BACH1: variants seen among roughly 807,000 people sequenced by gnomAD.
The protein encoded by BACH1 is BTB domain and CNC homolog 1.
A neutral mutation model predicts 52.9 loss-of-function variants in BACH1; 35 were observed. That is an observed-to-expected ratio of 0.66 (90% confidence interval 0.51 to 0.88). BACH1 has a LOEUF of 0.88. Among genes scored for constraint, BACH1 ranks in the 40% least tolerant of loss-of-function variants. The probability of loss-of-function intolerance (pLI) is 0.00; values close to 1 mark genes in which losing one functional copy is unlikely to be tolerated. For missense variants in BACH1, 808 were observed against 872.6 expected, an observed-to-expected ratio of 0.93 and a Z score of 0.93; for synonymous variants, 321 against 319.6, an observed-to-expected ratio of 1.00 and a Z score of -0.05.
At chr21:29,322,689 A>G (rs1266053756) in intron 2 of BACH1, among the ~76,000 whole-genome samples, 1 of 152,236 alleles carries the variant, frequency 6.6e-6, no homozygotes, top group Non-Finnish European at 1.5e-5. Flanking sequence ...ATACGGTTGG[A>G]TAAACTGTAA....
intron 2 of BACH1, chr21:29,361,176 T>C (rs2089269652): frequency 6.6e-6 from 1 of 151,912 alleles, no homozygotes; most frequent in Non-Finnish European, 1.5e-5. Context: ...GACTGAAGAG[T>C]GGAAAAAGAA....
intron 1 of BACH1, among the ~76,000 whole-genome samples, chr21:29,311,159 A>G (rs1269319476): frequency 6.6e-5 from 10 of 152,200 alleles, no homozygotes; most frequent in Non-Finnish European, 1.3e-4. Flanking sequence ...ACCAGTATTA[A>G]ATAGTATGTG....
chr21:29,359,390 T>G (rs2123497260), intron 2 of BACH1: 1 of 149,274 alleles, frequency 6.7e-6, no homozygotes, highest in South Asian at 2.2e-4. Context: ...GTGATTTATG[T>G]ATCTAGTATG....
downstream of BACH1, among the ~76,000 whole-genome samples, chr21:29,346,497 C>T (rs1034226638): frequency 6.6e-6 from 1 of 152,188 alleles, no homozygotes. Context: ...TGGGCAGCTG[C>T]TCAGCGGTAT....
chr21:29,321,312 A>G lies in BACH1; in HGVS notation c.32A>G (p.Tyr11Cys). Residue 11 changes from tyrosine to cysteine, a missense_variant, in exon 2 of 5, where the codon TAT becomes TGT. Coordinates refer to ENST00000286800, the MANE Select transcript of BACH1 (RefSeq NM_001186.4). Reference sequence around the variant, plus strand: ...CTGAGTGAGAACTCGGTTTTTGCCTATGAATCTTCTGTGCATAGCACCAAT... The same window carrying G: ...CTGAGTGAGAACTCGGTTTTTGCCTGTGAATCTTCTGTGCATAGCACCAAT... MSLSENSVFAYESSVHSTNVL... is the reference protein window; with the variant it reads MSLSENSVFACESSVHSTNVL... 6.2e-7 allele frequency: 1 copy of G among 1,614,064 alleles called. No homozygotes were observed. The highest frequency in any genetic ancestry group is 8.5e-7 in the Non-Finnish European group (1 of 1,179,970).
At chr21:29,340,601 C>G (rs970015482) in intron 4 of BACH1, among the ~76,000 whole-genome samples, 3 of 152,132 alleles carry the variant, frequency 2.0e-5, no homozygotes, top group African/African-American at 7.2e-5. Context: ...TTTAAAAGAC[C>G]AACCAGCAGT....
At chr21:29,348,022 AT>A (rs2089180245), downstream of BACH1, among the ~76,000 whole-genome samples, 1 of 152,228 alleles carries the variant, frequency 6.6e-6, no homozygotes, top group African/African-American at 2.4e-5. Flanking sequence ...ATTAAAAAAA[AT>A]CTAAAGGCAT....
At chr21:29,326,027 G>T in intron 2 of BACH1, 32 bp from the exon 3 acceptor site, 2 of 1,557,660 alleles carry the variant, frequency 1.3e-6, no homozygotes, top group Non-Finnish European at 8.6e-7. Context: ...GCTTTCAAAT[G>T]ATGTGTTTGT....
At chr21:29,350,165 C>T (rs552236882), downstream of BACH1, among the ~76,000 whole-genome samples, 5 of 152,176 alleles carry the variant, frequency 3.3e-5, no homozygotes, top group Non-Finnish European at 7.3e-5. Context: ...ATACAAACCT[C>T]CACATACAAT....
chr21:29,321,297 A>G lies in BACH1; in HGVS notation c.17A>G (p.Asn6Ser), dbSNP rs781710744. The change falls in exon 2 of 5, where the codon AAC becomes AGC. Residue 6 changes from asparagine to serine, a missense_variant. Physicochemically the swap from Asn to Ser is conservative, Grantham distance 46 (BLOSUM62 1). Coordinates refer to ENST00000286800, the MANE Select transcript of BACH1 (RefSeq NM_001186.4). ...TTATGCAGAATGTCTCTGAGTGAGA[A>G]CTCGGTTTTTGCCTATGAATCTTCT... MSLSE[N>S]SVFAYESSVH... 4 of 1,613,900 alleles carry G rather than the reference A, an allele frequency of 2.5e-6. No individual in the cohort carries two copies. The highest frequency in any genetic ancestry group is 3.4e-6 in the Non-Finnish European group (4 of 1,179,832).
At chr21:29,342,344 A>T (rs2089123368) in intron 4 of BACH1, 55 bp from the exon 5 acceptor site, 1 of 1,502,248 alleles carries the variant, frequency 6.7e-7, no homozygotes, top group South Asian at 1.2e-5. Context: ...CGCCTTGGAA[A>T]TGTTGATTGA....
chr21:29,308,094 A>G (rs1279969485), intron 1 of BACH1, among the ~76,000 whole-genome samples: 1 of 152,228 alleles, frequency 6.6e-6, no homozygotes, highest in Non-Finnish European at 1.5e-5. Flanking sequence ...GATGCTATTT[A>G]AACTGAGCTA....
At chr21:29,309,625 C>A (rs897958869) in intron 1 of BACH1, among the ~76,000 whole-genome samples, 1 of 152,116 alleles carries the variant, frequency 6.6e-6, no homozygotes, top group Non-Finnish European at 1.5e-5. Context: ...TGAAATTAGC[C>A]ATTATTTTGG....
In BACH1 at chr21:29,329,580, C is replaced by G; in HGVS notation, c.1663C>G (p.Leu555Val). 1 of 1,605,850 alleles carries G rather than the reference C, an allele frequency of 6.2e-7. No homozygotes were observed. The highest frequency in any genetic ancestry group is 8.5e-7 in the Non-Finnish European group (1 of 1,177,438). ...AATGCACAAGCTTACTCCAGAACAG[C>G]TGGATTGTATCCATGATATTCGAAG... ...LKMHKLTPEQ[L>V]DCIHDIRRRS... Residue 555 changes from leucine (L) to valine (V), a missense_variant, in exon 4 of 5, where the codon CTG becomes GTG. Leu to Val is a conservative substitution (Grantham distance 32, BLOSUM62 1). Coordinates refer to ENST00000286800, the MANE Select transcript of BACH1 (RefSeq NM_001186.4).
chr21:29,300,082 T>G (rs541760608), intron 1 of BACH1: 2 of 152,300 alleles, frequency 1.3e-5, no homozygotes, highest in East Asian at 3.9e-4. Flanking sequence ...TTCCTGGTCT[T>G]TGGGTAGTGG....
chr21:29,324,231 C>T (rs1431751029), intron 2 of BACH1, among the ~76,000 whole-genome samples: 2 of 63,164 alleles, frequency 3.2e-5, no homozygotes, highest in Non-Finnish European at 6.8e-5. Context: ...GACTCTGCCT[C>T]AAAAAAAAAA....
At chr21:29,337,121 G>A (rs975284032) in intron 4 of BACH1, among the ~76,000 whole-genome samples, 4 of 152,168 alleles carry the variant, frequency 2.6e-5, no homozygotes, top group Admixed American at 6.5e-5. Flanking sequence ...GGGAGAGCCC[G>A]TTCAAGCCAG....
intron 4 of BACH1, among the ~76,000 whole-genome samples, chr21:29,331,729 T>C (rs1202094925): frequency 6.6e-6 from 1 of 152,110 alleles, no homozygotes; most frequent in Non-Finnish European, 1.5e-5. Context: ...ATCGGAAAAA[T>C]AGGATAATAC....
intron 4 of BACH1, among the ~76,000 whole-genome samples, chr21:29,342,017 C>T (rs185216072): frequency 1.1e-4 from 16 of 152,230 alleles, no homozygotes; most frequent in South Asian, 4.1e-4. Context: ...CTCTTTTGAC[C>T]GAAAAACTGC....
Sources: allele counts gnomAD v4.1 joint callset (sites outside exome capture counted in the v4.1 genomes callset), GRCh38; gene constraint gnomAD v4.1.1; transcripts MANE v1.5; gene names NCBI Gene and HGNC (gene_info 2026-07-23, HGNC 2026-07-21).